The following SCAMP3 variants were observed in gnomAD, a reference collection of about 807,000 sequenced individuals.
SCAMP3 encodes the protein secretory carrier-associated membrane protein 3.
SCAMP3 carries 30 observed loss-of-function variants against 44.1 expected under a neutral mutation model. The observed-to-expected ratio is 0.68, with a 90% CI of 0.51 to 0.92. The LOEUF (loss-of-function observed/expected upper bound fraction) is 0.92. Ranked by LOEUF, SCAMP3 falls within the 40% of genes least tolerant of loss-of-function variation. The pLI is 0.00. For missense variants in SCAMP3, 394 were observed against 440.0 expected (o/e 0.90, Z 0.93); for synonymous variants, 168 against 171.1 (o/e 0.98, Z 0.14).
At chr1:155,257,262 G>C in intron 7 of SCAMP3, 23 bp downstream of exon 7, 1 of 1,475,576 alleles carries the variant, frequency 6.8e-7, no homozygotes, top group Non-Finnish European at 9.5e-7. Flanking sequence ...GGAAAGGTGA[G>C]GGTGGATAAC....
Position 155,257,642 on chromosome 1 carries a change from A to G in SCAMP3, c.533T>C (p.Leu178Pro). The stretch of plus-strand genomic sequence containing the variant: ...CAGGCAGGCGAGGAAGTTCAGGAGA[A>G]GAGCCAGCGTGCTGCCTAAGGGGCA... ...YYLWMCSTLALLLNFLACLAS... is the reference protein window; with the variant it reads ...YYLWMCSTLAPLLNFLACLAS... The change falls in exon 6 of 9, where the codon CTT becomes CCT. Residue 178 changes from leucine to proline, a missense_variant. Physicochemically the swap from Leu to Pro is moderately conservative, Grantham distance 98. Coordinates refer to ENST00000302631, the MANE Select transcript of SCAMP3 (RefSeq NM_005698.4). 6.4e-7 allele frequency: 1 copy of G among 1,562,086 alleles called. No homozygotes were observed. The highest frequency in any genetic ancestry group is 8.7e-7 in the Non-Finnish European group (1 of 1,152,350).
chr1:155,259,017 T>G, intron 4 of SCAMP3, 63 bp from the exon 5 acceptor site: 5 of 1,180,548 alleles, frequency 4.2e-6, no homozygotes, highest in Non-Finnish European at 6.0e-6. Context: ...AAGGAATCAC[T>G]CCCCCTTCTC....
In SCAMP3 at chr1:155,257,334, C is replaced by A; in HGVS notation, c.730G>T (p.Asp244Tyr). 6 of 1,614,020 alleles carry A rather than the reference C, an allele frequency of 3.7e-6. No individual in the cohort carries two copies. Among genetic ancestry groups the A allele is most frequent in the Non-Finnish European group, 5.1e-6 (6 of 1,179,980 alleles). Residue 244 changes from aspartate to tyrosine, a missense_variant, in exon 7 of 9, where the codon GAT (aspartate) becomes TAT (tyrosine). Coordinates refer to ENST00000302631, the MANE Select transcript of SCAMP3 (RefSeq NM_005698.4). ...FVFFFIFFVQ[D>Y]VLFVLQAIGI... Reference sequence around the variant, plus strand: ...ATGGCCTGGAGGACAAAGAGCACATCCTGGACGAAGAAAATGAAGAAGAAA... The same window carrying A: ...ATGGCCTGGAGGACAAAGAGCACATACTGGACGAAGAAAATGAAGAAGAAA...
In SCAMP3 at chr1:155,258,807, A is replaced by C. The variant is rs1382666614; in HGVS notation, c.517+19T>G. 6.3e-7 allele frequency: 1 copy of C among 1,592,990 alleles called. No individual in the cohort carries two copies. Among genetic ancestry groups the C allele is most frequent in the Non-Finnish European group, 8.5e-7 (1 of 1,171,038 alleles). On this transcript the variant is annotated intron_variant, in intron 5 of 8. Transcript: ENST00000302631. ...GAGATCTACCTGTAACTTCCTCCAAAAGGCTTCTCACTACTCACACATCCA... is the reference window on the plus strand; with the variant it reads ...GAGATCTACCTGTAACTTCCTCCAACAGGCTTCTCACTACTCACACATCCA...
intron 5 of SCAMP3, among the ~76,000 whole-genome samples, chr1:155,257,985 C>G (rs1672850857): frequency 1.3e-5 from 2 of 150,212 alleles, no homozygotes; most frequent in Non-Finnish European, 2.9e-5. Context: ...GCTGGGACTA[C>G]AGGCGCCCGC....
rs779016964 is a variant in SCAMP3, at chr1:155,262,067, G to A, written c.66+19C>T. 6.2e-7 allele frequency: 1 copy of A among 1,612,638 alleles called. No homozygotes were observed. The highest frequency in any genetic ancestry group is 1.7e-5 in the Admixed American group (1 of 59,908). ...GAATCAACCTGACCGCCCAAAAGAG[G>A]CCGACTGGCGCAAGTCACCTGAAAG... On this transcript the variant is annotated intron_variant, in intron 1 of 8. Coordinates refer to ENST00000302631, the MANE Select transcript of SCAMP3 (RefSeq NM_005698.4).
At chr1:155,258,737 A>T (rs1672875125) in intron 5 of SCAMP3, 89 bp downstream of exon 5, 6 of 1,234,886 alleles carry the variant, frequency 4.9e-6, no homozygotes, top group Non-Finnish European at 6.8e-6. Flanking sequence ...TTCTAAATAG[A>T]GGTGAAGTGT....
rs1672982339 is a variant in SCAMP3 at position 155,262,077 on chromosome 1, G to GC, written c.66+8dup. ...GACCGCCCAAAAGAGGCCGACTGGC[G>GC]CAAGTCACCTGAAAGGGGTTGTCAA... is the stretch of plus-strand genomic sequence containing the variant. On this transcript the variant is annotated intron_variant, in intron 1 of 8. Coordinates refer to ENST00000302631, the MANE Select transcript of SCAMP3 (RefSeq NM_005698.4). 6.2e-7 allele frequency: 1 copy of GC among 1,613,582 alleles called. No individual in the cohort carries two copies. Among genetic ancestry groups the GC allele is most frequent in the Non-Finnish European group, 8.5e-7 (1 of 1,179,556 alleles).
At position 155,260,331 on chromosome 1, in the gene SCAMP3, A is replaced by G; in HGVS notation, c.387T>C (p.Ala129=). The change falls in exon 4 of 9, where the codon GCT becomes GCC. Residue 129 remains alanine (A), a splice_region_variant and synonymous_variant. Coordinates refer to ENST00000302631, the MANE Select transcript of SCAMP3 (RefSeq NM_005698.4). The part of the protein sequence containing the change: ...ELQHAALGGT[A]TRQNNWPPLP... Reference sequence around the variant, plus strand: ...GCTCTTCCCCACTCTATTACTTACTAGCTGTGCCCCCCAGGGCAGCATGCT... The same window carrying G: ...GCTCTTCCCCACTCTATTACTTACTGGCTGTGCCCCCCAGGGCAGCATGCT... The G allele has an allele frequency of 6.2e-7, 1 of 1,611,002 alleles. No individual in the cohort carries two copies. Among genetic ancestry groups the G allele is most frequent in the Non-Finnish European group, 8.5e-7 (1 of 1,179,978 alleles).
At position 155,260,343 on chromosome 1, in the gene SCAMP3, C is replaced by T. The variant is rs138266025; in HGVS notation, c.375G>A (p.Leu125=). The change falls in exon 4 of 9, where the codon CTG becomes CTA. Residue 125 remains leucine, a synonymous_variant. Transcript: ENST00000302631. ...TCTATTACTTACTAGCTGTGCCCCC[C>T]AGGGCAGCATGCTGCAGCTCTCGCT... ...RRERELQHAA[L]GGTATRQNNW... is the part of the protein sequence containing the mutation. 8 of 1,612,398 alleles carry T rather than the reference C, an allele frequency of 5.0e-6. No homozygotes were observed. The highest frequency in any genetic ancestry group is 1.7e-5 in the Admixed American group (1 of 60,030).
chr1:155,262,126 T>C lies in SCAMP3; in HGVS notation c.26A>G (p.Asn9Ser). 1 of 1,613,958 alleles carries C rather than the reference T, an allele frequency of 6.2e-7. No homozygotes were observed. Among genetic ancestry groups the C allele is most frequent in the Non-Finnish European group, 8.5e-7 (1 of 1,180,004 alleles). ...AAGCTCGCTGGGCTCGGCGAACGGG[T>C]TTCCGCCGTCTCTGCTCTGAGCCAT... MAQSRDGG[N>S]PFAEPSELDN... The change falls in exon 1 of 9, where the codon AAC (asparagine) becomes AGC (serine). Residue 9 changes from asparagine (N) to serine (S), a missense_variant. Coordinates refer to ENST00000302631, the MANE Select transcript of SCAMP3 (RefSeq NM_005698.4).
chr1:155,261,845 C>G (rs1672973948), intron 1 of SCAMP3, 111 bp from the exon 2 acceptor site: 3 of 1,039,258 alleles, frequency 2.9e-6, no homozygotes, highest in East Asian at 2.5e-5. Context: ...CGGGGCCACG[C>G]CGTTGTCCCA....
chr1:155,257,264 G>A (rs1164476964), intron 7 of SCAMP3, 21 bp downstream of exon 7: 3 of 1,483,220 alleles, frequency 2.0e-6, no homozygotes, highest in Non-Finnish European at 2.8e-6. Flanking sequence ...AAAGGTGAGG[G>A]TGGATAACAG....
chr1:155,261,441 C>G, intron 2 of SCAMP3: 1 of 599,496 alleles, frequency 1.7e-6, no homozygotes, highest in Non-Finnish European at 3.0e-6. Flanking sequence ...CAGATCTTCC[C>G]AGGACTGACT....
At chr1:155,259,825 C>T (rs890296471) in intron 4 of SCAMP3, among the ~76,000 whole-genome samples, 1 of 152,134 alleles carries the variant, frequency 6.6e-6, no homozygotes, top group African/African-American at 2.4e-5. Context: ...CGGATGCAAA[C>T]GTGGTTTTCA....
chr1:155,262,294 G>C lies in SCAMP3; in HGVS notation c.-143C>G, dbSNP rs557745902. ...ACGGATTGGTTCCACCGACCGGAAG[G>C]GCCACAAGGATCCCCGCAGCAGCCG... On this transcript the variant is annotated 5_prime_UTR_variant, in exon 1 of 9. Transcript: ENST00000302631. 16 of 722,384 alleles carry C rather than the reference G, an allele frequency of 2.2e-5. No individual in the cohort carries two copies. The African/African-American group carries it at 2.9e-4, about 13-fold the overall frequency. The allele number at this position is 722,384 out of a possible 1,614,324, so 44.7% of individuals were successfully genotyped here. A position where few individuals can be genotyped will look rare whatever the true frequency, so the allele number is the denominator to read the frequency against.
At chr1:155,260,761 C>G in intron 2 of SCAMP3, 102 bp from the exon 3 acceptor site, 1 of 1,037,700 alleles carries the variant, frequency 9.6e-7, no homozygotes, top group Non-Finnish European at 1.4e-6. Context: ...TGTAAGGAAG[C>G]AGCCTTTCCC....
chr1:155,258,318 CTTTTTTTTTTTTTTTTTTTTTTT>C (rs71996352), intron 5 of SCAMP3, among the ~76,000 whole-genome samples: 48,078 of 90,586 alleles, frequency 0.53, 11,480 homozygotes, highest in East Asian at 0.79. Flanking sequence ...CGTGCCCGGC[CTTTTTTTTTTTTTTTTTTTTTTT>C]TTTTTTTTTT....
chr1:155,261,948 G>T, intron 1 of SCAMP3, 138 bp downstream of exon 1: 1 of 904,648 alleles, frequency 1.1e-6, no homozygotes, highest in Non-Finnish European at 1.7e-6. Context: ...GTGCTCACTG[G>T]TCTGGAGTCA....
Sources: gnomAD v4.1 joint callset for allele counts (sites outside exome capture counted in the v4.1 genomes callset) on GRCh38, gnomAD v4.1.1 for gene constraint, MANE v1.5 for transcripts, NCBI Gene and HGNC (gene_info 2026-07-23, HGNC 2026-07-21) for gene names.